DLGAP2: variants seen among roughly 807,000 people sequenced by gnomAD.
The protein encoded by DLGAP2 is disks large-associated protein 2.
Under a neutral mutation model 100.3 loss-of-function variants are expected in DLGAP2, and 26 were observed. The observed-to-expected ratio is 0.26, with a 90% CI of 0.19 to 0.36. The LOEUF (loss-of-function observed/expected upper bound fraction) is 0.36. Among genes scored for constraint, DLGAP2 ranks in the 10% least tolerant of loss-of-function variants. The probability of loss-of-function intolerance (pLI) is 1.00; values close to 1 mark genes in which losing one functional copy is unlikely to be tolerated. For missense variants in DLGAP2, 1,858 were observed against 1,453.2 expected (o/e 1.28, Z -4.53); for synonymous variants, 886 against 630.1 (o/e 1.41, Z -6.08).
intron 2 of DLGAP2, among the ~76,000 whole-genome samples, chr8:1,254,093 C>T (rs186504411): frequency 2.0e-5 from 3 of 152,328 alleles, no homozygotes; most frequent in Admixed American, 6.5e-5. Flanking sequence ...GTGGGGACAG[C>T]CATGGCCAGG....
At chr8:1,209,688 G>A (rs1274969189) in intron 2 of DLGAP2, among the ~76,000 whole-genome samples, 2 of 152,196 alleles carry the variant, frequency 1.3e-5, no homozygotes, top group Admixed American at 6.5e-5. Flanking sequence ...ATGTCTGAAC[G>A]TGTTATTAAT....
intron 3 of DLGAP2, among the ~76,000 whole-genome samples, chr8:1,356,574 GC>G (rs1026461203): frequency 6.6e-6 from 1 of 152,100 alleles, no homozygotes; most frequent in African/African-American, 2.4e-5. Flanking sequence ...TTACCCTGTG[GC>G]CCCCCAGGCA....
At chr8:1,452,673 C>G (rs905693318) in intron 3 of DLGAP2, among the ~76,000 whole-genome samples, 6 of 152,210 alleles carry the variant, frequency 3.9e-5, no homozygotes, top group African/African-American at 7.2e-5. Flanking sequence ...ACATTATCAG[C>G]AAAGGCTCTG....
intron 2 of DLGAP2, among the ~76,000 whole-genome samples, chr8:1,098,581 G>A (rs865858682): frequency 6.7e-6 from 1 of 149,610 alleles, no homozygotes; most frequent in African/African-American, 2.4e-5. Context: ...CACAGACGCC[G>A]CGACCCACAC....
At chr8:793,357 G>A (rs917712786) in intron 1 of DLGAP2, among the ~76,000 whole-genome samples, 1 of 152,144 alleles carries the variant, frequency 6.6e-6, no homozygotes, top group Non-Finnish European at 1.5e-5. Context: ...TAATCCTGTT[G>A]TCTTTCTTTG....
chr8:1,036,370 C>G (rs955807256), intron 2 of DLGAP2, among the ~76,000 whole-genome samples: 1 of 152,232 alleles, frequency 6.6e-6, no homozygotes, highest in Admixed American at 6.5e-5. Flanking sequence ...CAAGACCCCC[C>G]GACGTGTGGT....
At chr8:962,791 C>CCA (rs1303153899) in intron 2 of DLGAP2, among the ~76,000 whole-genome samples, 3 of 152,180 alleles carry the variant, frequency 2.0e-5, no homozygotes, top group Admixed American at 6.5e-5. Flanking sequence ...CCCTCAGCAC[C>CCA]CAGGCGCAGG....
At chr8:1,099,342 C>T (rs1804504037) in intron 2 of DLGAP2, among the ~76,000 whole-genome samples, 1 of 152,218 alleles carries the variant, frequency 6.6e-6, no homozygotes. Context: ...AGACGTGTGT[C>T]TCCGGTGTGC....
intron 4 of DLGAP2, among the ~76,000 whole-genome samples, chr8:1,524,405 C>G (rs929953330): frequency 9.2e-5 from 14 of 152,174 alleles, no homozygotes; most frequent in Non-Finnish European, 1.5e-4. Flanking sequence ...GTTTGCAGAA[C>G]TGAAATGCTC....
chr8:1,040,540 G>A (rs1435947924), intron 2 of DLGAP2, among the ~76,000 whole-genome samples: 4 of 144,760 alleles, frequency 2.8e-5, no homozygotes, highest in Non-Finnish European at 6.0e-5. Context: ...TCGGCTCGGT[G>A]TGCGTGGTCG....
chr8:976,359 C>A (rs1449664930), intron 2 of DLGAP2, among the ~76,000 whole-genome samples: 1 of 152,004 alleles, frequency 6.6e-6, no homozygotes, highest in Non-Finnish European at 1.5e-5. Flanking sequence ...AGCGTGTAAT[C>A]CTAGCACTTT....
intron 1 of DLGAP2, among the ~76,000 whole-genome samples, chr8:778,545 TGTTA>T (rs748042942): frequency 6.6e-6 from 1 of 152,256 alleles, no homozygotes; most frequent in Non-Finnish European, 1.5e-5. Context: ...CCTTTCTGTT[TGTTA>T]GTTTTCCTCC....
intron 3 of DLGAP2, among the ~76,000 whole-genome samples, chr8:1,318,969 C>T (rs962359857): frequency 3.9e-5 from 6 of 152,058 alleles, no homozygotes; most frequent in South Asian, 2.1e-4. Context: ...AGATGGGAAT[C>T]GACATAGTCT....
At chr8:1,479,815 T>C (rs530834270) in intron 3 of DLGAP2, among the ~76,000 whole-genome samples, 5 of 152,170 alleles carry the variant, frequency 3.3e-5, no homozygotes, top group South Asian at 2.1e-4. Context: ...TAAAGTAATA[T>C]GAATAGCCAA....
chr8:1,443,190 A>T (rs1311760660), intron 3 of DLGAP2, among the ~76,000 whole-genome samples: 1 of 152,216 alleles, frequency 6.6e-6, no homozygotes, highest in Non-Finnish European at 1.5e-5. Context: ...ATCAACATGA[A>T]AAGATATTGA....
At chr8:1,026,930 T>A (rs1196698322) in intron 2 of DLGAP2, among the ~76,000 whole-genome samples, 2 of 152,246 alleles carry the variant, frequency 1.3e-5, no homozygotes, top group Non-Finnish European at 2.9e-5. Context: ...TATGTATCTT[T>A]TTAAGATATG....
intron 3 of DLGAP2, among the ~76,000 whole-genome samples, chr8:1,331,969 C>T (rs762145109): frequency 2.0e-5 from 3 of 152,196 alleles, no homozygotes; most frequent in Non-Finnish European, 4.4e-5. Context: ...TCCTGCCAAC[C>T]CCCTGAACAG....
intron 4 of DLGAP2, among the ~76,000 whole-genome samples, chr8:1,504,467 C>G (rs545947059): frequency 6.6e-6 from 1 of 152,218 alleles, no homozygotes; most frequent in South Asian, 2.1e-4. Flanking sequence ...TTAACTGTGG[C>G]CACCACGTGG....
intron 6 of DLGAP2, among the ~76,000 whole-genome samples, chr8:1,612,497 C>T (rs1201683525): frequency 1.4e-4 from 20 of 144,764 alleles, no homozygotes; most frequent in African/African-American, 4.1e-4. Context: ...ACTTCATGTC[C>T]AGAACACCAA....
Sources: allele counts gnomAD v4.1 joint callset (sites outside exome capture counted in the v4.1 genomes callset), GRCh38; gene constraint gnomAD v4.1.1; transcripts MANE v1.5; gene names NCBI Gene and HGNC (gene_info 2026-07-23, HGNC 2026-07-21).